Variants in GRM5 observed in about 807,000 individuals in gnomAD.
The protein encoded by GRM5 is glutamate metabotropic receptor 5.
Under a neutral mutation model 83.1 loss-of-function variants are expected in GRM5, and 19 were observed. The ratio of observed to expected loss-of-function variants is 0.23; its 90% CI spans 0.16 to 0.34. The LOEUF is 0.34. GRM5 is among the 10% of genes least tolerant of loss of function. GRM5 has a pLI of 1.00. For synonymous variants in GRM5, 675 were observed against 633.6 expected (o/e 1.07, Z -0.98); for missense variants, 1,160 against 1,588.3 (o/e 0.73, Z 4.58).
chr11:88,639,429 G>A (rs1481304748), intron 4 of GRM5, among the ~76,000 whole-genome samples: 1 of 151,978 alleles, frequency 6.6e-6, no homozygotes, highest in Non-Finnish European at 1.5e-5. Context: ...ATTGTTTGAG[G>A]TCCAGTGTCT....
rs1941206621 is a variant in GRM5, at chr11:88,507,449, AT to A, written c.*1142del. 6.6e-6 allele frequency: 1 copy of A among 152,186 alleles called. No individual in the cohort carries two copies. Among genetic ancestry groups the A allele is most frequent in the Non-Finnish European group, 1.5e-5 (1 of 68,036 alleles). 9.4% of individuals were successfully genotyped at this position (152,186 alleles called of 1,614,324 possible). A position where few individuals can be genotyped will look rare whatever the true frequency, so the allele number is the denominator to read the frequency against. On this transcript the variant is annotated 3_prime_UTR_variant, in exon 10 of 10. Transcript: ENST00000305447. The stretch of plus-strand genomic sequence containing the variant: ...ACTAAGCTGACTTGACACAGTTAAA[AT>A]TTTCAGTGTATTAAGATTGTGTTAA...
intron 7 of GRM5, among the ~76,000 whole-genome samples, chr11:88,582,754 G>A (rs1212073297): frequency 6.6e-6 from 1 of 152,024 alleles, no homozygotes; most frequent in African/African-American, 2.4e-5. Context: ...CACATTTTAA[G>A]CACATTTGGA....
At chr11:89,039,909 T>C (rs1941488558) in intron 2 of GRM5, among the ~76,000 whole-genome samples, 1 of 152,222 alleles carries the variant, frequency 6.6e-6, no homozygotes, top group Admixed American at 6.5e-5. Flanking sequence ...CAAGTGATCC[T>C]CTGCCACAGT....
In GRM5 at chr11:88,912,516, T is replaced by G. The variant is rs188135688; in HGVS notation, c.662-62361A>C. On this transcript the variant is annotated intron_variant, in intron 2 of 9. Transcript: ENST00000305447. Reference sequence around the variant, plus strand: ...CATGGAGATCATTATATACTGTGTATGTATATGCATGCATGTGTATGTGTT... The same window carrying G: ...CATGGAGATCATTATATACTGTGTAGGTATATGCATGCATGTGTATGTGTT... Among the ~76,000 whole-genome samples, 668 of 142,206 alleles carry G rather than the reference T, an allele frequency of 4.7e-3. 4 individuals carry two copies. The highest frequency in any genetic ancestry group is 0.017 in the African/African-American group (642 of 37,442). 93.3% of individuals were successfully genotyped at this position (142,206 alleles called of 152,430 possible).
At chr11:89,058,273 A>G (rs1461372102) in intron 1 of GRM5, among the ~76,000 whole-genome samples, 1 of 152,176 alleles carries the variant, frequency 6.6e-6, no homozygotes, top group Non-Finnish European at 1.5e-5. Context: ...CCTGAGCACT[A>G]TTGACATTTT....
intron 2 of GRM5, among the ~76,000 whole-genome samples, chr11:89,004,494 T>C (rs1940471526): frequency 6.6e-6 from 1 of 152,188 alleles, no homozygotes; most frequent in South Asian, 2.1e-4. Flanking sequence ...CTAAGCAGGA[T>C]TGGGGACCAC....
intron 3 of GRM5, among the ~76,000 whole-genome samples, chr11:88,788,762 G>C (rs184370037): frequency 1.3e-5 from 2 of 152,248 alleles, no homozygotes; most frequent in Admixed American, 1.3e-4. Flanking sequence ...AGTTGCTAGG[G>C]AAACTAGAAA....
chr11:88,596,194 A>G (rs1937800423), intron 6 of GRM5, among the ~76,000 whole-genome samples: 1 of 152,162 alleles, frequency 6.6e-6, no homozygotes, highest in African/African-American at 2.4e-5. Flanking sequence ...CTCGGCATCA[A>G]ATTGGTTGTC....
At chr11:88,754,580 G>C (rs1942356518) in intron 3 of GRM5, among the ~76,000 whole-genome samples, 1 of 152,058 alleles carries the variant, frequency 6.6e-6, no homozygotes, top group Admixed American at 6.6e-5. Flanking sequence ...ATACATCTGA[G>C]ATTCTCAAAG....
Position 88,506,304 on chromosome 11 carries a change from C to T in GRM5, c.*2288G>A, listed in dbSNP as rs1018090844. 3.9e-5 allele frequency: 6 copies of T among 152,010 alleles called. No individual in the cohort carries two copies. Among genetic ancestry groups the T allele is most frequent in the East Asian group, 1.9e-4 (1 of 5,192 alleles). 9.4% of individuals were successfully genotyped at this position (152,010 alleles called of 1,614,324 possible). ...GTTCTTCAACTGGTCTAGAGTGAAACGTATTGTACTTGAGAATAAAATGAA... is the reference window on the plus strand; with the variant it reads ...GTTCTTCAACTGGTCTAGAGTGAAATGTATTGTACTTGAGAATAAAATGAA... On this transcript the variant is annotated 3_prime_UTR_variant, in exon 10 of 10. Coordinates refer to ENST00000305447, the MANE Select transcript of GRM5 (RefSeq NM_001143831.3).
chr11:88,798,825 A>AAAAAAAAAAAAAAAAC (rs777932007), intron 3 of GRM5, among the ~76,000 whole-genome samples: 6 of 145,300 alleles, frequency 4.1e-5, no homozygotes, highest in African/African-American at 1.3e-4. Flanking sequence ...AAAAAAAAAA[A>AAAAAAAAAAAAAAAAC]AACAACAACA....
chr11:88,605,302 T>TCCTTCACTATC (rs1375632468), intron 4 of GRM5, among the ~76,000 whole-genome samples: 1 of 151,962 alleles, frequency 6.6e-6, no homozygotes, highest in East Asian at 1.9e-4. Context: ...ATTTCATTAG[T>TCCTTCACTATC]ATGAGCTGTG....
intron 4 of GRM5, among the ~76,000 whole-genome samples, chr11:88,620,852 C>T (rs991318414): frequency 1.3e-5 from 2 of 152,148 alleles, no homozygotes; most frequent in African/African-American, 4.8e-5. Context: ...GCCTGAAATA[C>T]AGGCAGTTGA....
chr11:88,759,475 AAAG>A (rs1942465922), intron 3 of GRM5, among the ~76,000 whole-genome samples: 1 of 152,176 alleles, frequency 6.6e-6, no homozygotes, highest in African/African-American at 2.4e-5. Context: ...CAAAAAGAAC[AAAG>A]AAGGGAATTA....
chr11:88,792,150 G>C (rs1277250422), intron 3 of GRM5, among the ~76,000 whole-genome samples: 1 of 152,008 alleles, frequency 6.6e-6, no homozygotes, highest in Non-Finnish European at 1.5e-5. Flanking sequence ...AAAAAATATT[G>C]TAGTGGCATT....
At chr11:88,623,726 C>G (rs1312509664) in intron 4 of GRM5, among the ~76,000 whole-genome samples, 2 of 152,078 alleles carry the variant, frequency 1.3e-5, no homozygotes, top group Non-Finnish European at 2.9e-5. Context: ...TATTTGCAAT[C>G]AAGTTCACGA....
At chr11:88,739,584 G>GTGT (rs1171257996) in intron 3 of GRM5, among the ~76,000 whole-genome samples, 1 of 152,060 alleles carries the variant, frequency 6.6e-6, no homozygotes, top group Non-Finnish European at 1.5e-5. Flanking sequence ...AGGGTGGAAA[G>GTGT]TGTTTGGATT....
At chr11:89,033,953 T>C (rs1365242744) in intron 2 of GRM5, among the ~76,000 whole-genome samples, 5 of 151,850 alleles carry the variant, frequency 3.3e-5, no homozygotes, top group East Asian at 1.9e-4. Context: ...CAGTCAAAGA[T>C]GTTAAATTTA....
chr11:88,934,710 G>C (rs905440418), intron 2 of GRM5, among the ~76,000 whole-genome samples: 4 of 151,420 alleles, frequency 2.6e-5, no homozygotes, highest in Non-Finnish European at 5.9e-5. Flanking sequence ...ATTTGCTCTG[G>C]TCTTATAATT....
Sources: gnomAD v4.1 joint callset for allele counts (sites outside exome capture counted in the v4.1 genomes callset) on GRCh38, gnomAD v4.1.1 for gene constraint, MANE v1.5 for transcripts, NCBI Gene and HGNC (gene_info 2026-07-23, HGNC 2026-07-21) for gene names.